Variants in RIT2 observed in about 807,000 individuals in gnomAD.
The protein encoded by RIT2 is GTP-binding protein Rit2.
In RIT2, 24 loss-of-function variants were observed where a neutral mutation model predicts 23.7. That is an observed-to-expected ratio of 1.01 (90% CI 0.73 to 1.43). The LOEUF is 1.43. Ranked by LOEUF, RIT2 falls within the 40% of genes most tolerant of loss-of-function variation. The probability of loss-of-function intolerance (pLI) is 0.00; values close to 1 mark genes in which losing one functional copy is unlikely to be tolerated. For missense variants in RIT2, 236 were observed against 266.9 expected, an observed-to-expected ratio of 0.88 and a Z score of 0.81; for synonymous variants, 107 against 91.1, an observed-to-expected ratio of 1.17 and a Z score of -0.99.
At chr18:42,747,805 C>T (rs994278635) in intron 4 of RIT2, among the ~76,000 whole-genome samples, 1 of 151,908 alleles carries the variant, frequency 6.6e-6, no homozygotes, top group Non-Finnish European at 1.5e-5. Flanking sequence ...CCCTACTCAA[C>T]AAATGGTGTT....
At chr18:42,792,303 G>A (rs564487752) in intron 4 of RIT2, among the ~76,000 whole-genome samples, 5 of 152,086 alleles carry the variant, frequency 3.3e-5, no homozygotes, top group Non-Finnish European at 7.4e-5. Flanking sequence ...AAGAGTGCAT[G>A]GTACTCATGA....
intron 4 of RIT2, among the ~76,000 whole-genome samples, chr18:42,849,272 A>G (rs1368486533): frequency 6.6e-6 from 1 of 152,170 alleles, no homozygotes; most frequent in Non-Finnish European, 1.5e-5. Flanking sequence ...AGACCACAAC[A>G]ATCTCTATTA....
intron 2 of RIT2, among the ~76,000 whole-genome samples, chr18:42,997,919 T>C (rs536471491): frequency 6.6e-5 from 10 of 152,272 alleles, no homozygotes; most frequent in African/African-American, 2.4e-4. Flanking sequence ...TTCCATGTCC[T>C]TGACTACTGT....
chr18:42,855,991 G>T (rs1380333578), intron 4 of RIT2, among the ~76,000 whole-genome samples: 2 of 152,120 alleles, frequency 1.3e-5, no homozygotes, highest in Non-Finnish European at 2.9e-5. Context: ...GAAGCCCTCA[G>T]AAGCAGCCTC....
At chr18:42,909,094 G>A (rs1009946396) in intron 4 of RIT2, among the ~76,000 whole-genome samples, 1 of 152,068 alleles carries the variant, frequency 6.6e-6, no homozygotes, top group African/African-American at 2.4e-5. Context: ...CTGACTGAGT[G>A]GATAAAGAAG....
intron 4 of RIT2, among the ~76,000 whole-genome samples, chr18:42,841,144 G>A (rs139309033): frequency 6.6e-6 from 1 of 152,172 alleles, no homozygotes; most frequent in Admixed American, 6.5e-5. Flanking sequence ...TGATGTCAAT[G>A]ATGTTTCATT....
intron 4 of RIT2, among the ~76,000 whole-genome samples, chr18:42,844,013 A>G (rs1162333063): frequency 1.3e-5 from 2 of 152,246 alleles, no homozygotes; most frequent in Non-Finnish European, 1.5e-5. Flanking sequence ...AAAGTGATGC[A>G]GGATTTTCTC....
intron 1 of RIT2, among the ~76,000 whole-genome samples, chr18:43,100,689 G>T (rs1407440566): frequency 6.6e-6 from 1 of 152,096 alleles, no homozygotes; most frequent in Admixed American, 6.6e-5. Context: ...CTTATGAACT[G>T]GATGTGGAAG....
At chr18:42,929,388 T>C (rs555356707) in intron 3 of RIT2, among the ~76,000 whole-genome samples, 28 of 152,076 alleles carry the variant, frequency 1.8e-4, no homozygotes, top group Non-Finnish European at 3.2e-4. Context: ...TTCATAGTCA[T>C]ACTCAATAAT....
At chr18:42,942,111 A>T (rs561485123) in intron 3 of RIT2, among the ~76,000 whole-genome samples, 2 of 152,114 alleles carry the variant, frequency 1.3e-5, no homozygotes, top group Admixed American at 1.3e-4. Flanking sequence ...AGTAAAAAAA[A>T]AAAACAGTGA....
At chr18:42,928,238 G>A (rs1443675781) in intron 3 of RIT2, among the ~76,000 whole-genome samples, 1 of 151,852 alleles carries the variant, frequency 6.6e-6, no homozygotes, top group Non-Finnish European at 1.5e-5. Context: ...AACTTGTCTG[G>A]GTTGGAGAAA....
intron 3 of RIT2, among the ~76,000 whole-genome samples, chr18:42,953,080 CTCAT>C (rs1197495810): frequency 5.3e-5 from 8 of 151,674 alleles, no homozygotes; most frequent in Non-Finnish European, 1.5e-5. Context: ...CAAAATCAGT[CTCAT>C]TCATTTGTTT....
chr18:42,756,984 C>A (rs1913180044), intron 4 of RIT2, among the ~76,000 whole-genome samples: 2 of 151,962 alleles, frequency 1.3e-5, no homozygotes, highest in South Asian at 2.1e-4. Context: ...GGATCTCCTG[C>A]AGAATATAAG....
At chr18:42,923,070 C>T (rs1909092334) in intron 4 of RIT2, among the ~76,000 whole-genome samples, 1 of 152,138 alleles carries the variant, frequency 6.6e-6, no homozygotes. Flanking sequence ...TGTGGATTGG[C>T]TGGCTATGTT....
intron 1 of RIT2, among the ~76,000 whole-genome samples, chr18:43,087,135 T>C (rs1347880324): frequency 6.6e-6 from 1 of 151,870 alleles, no homozygotes; most frequent in African/African-American, 2.4e-5. Context: ...GAGTCCCAGC[T>C]ACATTCTGAG....
intron 4 of RIT2, among the ~76,000 whole-genome samples, chr18:42,872,927 T>G (rs1907656127): frequency 6.6e-6 from 1 of 152,184 alleles, no homozygotes; most frequent in Non-Finnish European, 1.5e-5. Context: ...TTGTTTGTAG[T>G]GTACTATAGA....
chr18:42,903,729 C>T (rs1908539944), intron 4 of RIT2, among the ~76,000 whole-genome samples: 1 of 152,032 alleles, frequency 6.6e-6, no homozygotes, highest in African/African-American at 2.4e-5. Context: ...TATCACAGAA[C>T]ACAGATCAAG....
At chr18:43,080,758 C>T (rs1246118691) in intron 1 of RIT2, among the ~76,000 whole-genome samples, 2 of 152,320 alleles carry the variant, frequency 1.3e-5, no homozygotes, top group African/African-American at 4.8e-5. Context: ...AATCCCAAGG[C>T]AGCCATTCAG....
At chr18:42,936,405 T>C (rs1909459315) in intron 3 of RIT2, among the ~76,000 whole-genome samples, 1 of 152,160 alleles carries the variant, frequency 6.6e-6, no homozygotes, top group African/African-American at 2.4e-5. Flanking sequence ...CAATGTTAAG[T>C]TTCCTTTTAA....
Sources: allele counts gnomAD v4.1 joint callset (sites outside exome capture counted in the v4.1 genomes callset), GRCh38; gene constraint gnomAD v4.1.1; transcripts MANE v1.5; gene names NCBI Gene and HGNC (gene_info 2026-07-23, HGNC 2026-07-21).